Variants in RHOJ observed in about 807,000 individuals in gnomAD.
The protein encoded by RHOJ is ras homolog family member J.
A neutral mutation model predicts 23.4 loss-of-function variants in RHOJ; 11 were observed. The observed-to-expected ratio is 0.47, with a 90% CI of 0.30 to 0.78. RHOJ has a LOEUF of 0.78. RHOJ is among the 30% of genes least tolerant of loss of function. The probability of loss-of-function intolerance (pLI) is 0.08; values close to 1 mark genes in which losing one functional copy is unlikely to be tolerated. For synonymous variants in RHOJ, 102 were observed against 102.7 expected, an observed-to-expected ratio of 0.99 and a Z score of 0.04; for missense variants, 254 against 273.4, an observed-to-expected ratio of 0.93 and a Z score of 0.50.
chr14:63,278,431 AT>A (rs1268231283), intron 2 of RHOJ, among the ~76,000 whole-genome samples: 2 of 151,854 alleles, frequency 1.3e-5, no homozygotes, highest in Non-Finnish European at 2.9e-5. Flanking sequence ...CTTTTTTAAA[AT>A]TTTTTTTATT....
At chr14:63,268,200 CA>C (rs1895402059) in intron 1 of RHOJ, among the ~76,000 whole-genome samples, 1 of 152,032 alleles carries the variant, frequency 6.6e-6, no homozygotes, top group Non-Finnish European at 1.5e-5. Context: ...TTCCTTTTTC[CA>C]AAAAGCGATT....
rs1160224213 is a variant in RHOJ at position 63,257,714 on chromosome 14, AT to A, written c.179-11386del. 3.4e-3 allele frequency among the ~76,000 whole-genome samples: 479 copies of A among 139,508 alleles called. 14 individuals carry two copies. Among genetic ancestry groups the A allele is most frequent in the African/African-American group, 0.012 (435 of 37,564 alleles). 91.5% of individuals were successfully genotyped at this position (139,508 alleles called of 152,430 possible). On this transcript the variant is annotated intron_variant, in intron 1 of 4. Transcript: ENST00000316754. ...AATATGACTTTTTTCCCCTCCTCTGATTTTTTTTTTCACAAGGCTGTCATTT... is the reference window on the plus strand; with the variant it reads ...AATATGACTTTTTTCCCCTCCTCTGATTTTTTTTTCACAAGGCTGTCATTT...
At chr14:63,205,709 G>A (rs1158732364) in intron 1 of RHOJ, among the ~76,000 whole-genome samples, 1 of 152,200 alleles carries the variant, frequency 6.6e-6, no homozygotes, top group Non-Finnish European at 1.5e-5. Flanking sequence ...AGTATGTCCT[G>A]AGAGGACAAA....
At chr14:63,276,210 TG>T (rs11354682) in intron 2 of RHOJ, among the ~76,000 whole-genome samples, 50,180 of 149,434 alleles carry the variant, frequency 0.34, 11,532 homozygotes, top group African/African-American at 0.66. Flanking sequence ...TCAGCTTCGG[TG>T]GGGGGGGGCG....
At chr14:63,237,850 G>A (rs1032511932) in intron 1 of RHOJ, among the ~76,000 whole-genome samples, 3 of 152,214 alleles carry the variant, frequency 2.0e-5, no homozygotes, top group African/African-American at 7.2e-5. Flanking sequence ...ACAGCACAGT[G>A]AGACAAAGGG....
chr14:63,239,798 T>A (rs1894852309), intron 1 of RHOJ, among the ~76,000 whole-genome samples: 1 of 152,170 alleles, frequency 6.6e-6, no homozygotes, highest in South Asian at 2.1e-4. Flanking sequence ...CTTAAGATGA[T>A]TAGAGAAAGG....
Position 63,253,776 on chromosome 14 carries a change from T to C in RHOJ, c.179-15334T>C, listed in dbSNP as rs1351887404. Reference sequence around the variant, plus strand: ...TTGCAGCACAGTCTAAAAGAGAACATTTTTTGTTGACTGGTAGAGGGTCAA... The same window carrying C: ...TTGCAGCACAGTCTAAAAGAGAACACTTTTTGTTGACTGGTAGAGGGTCAA... On this transcript the variant is annotated intron_variant, in intron 1 of 4. Transcript: ENST00000316754. 2.0e-5 allele frequency among the ~76,000 whole-genome samples: 3 copies of C among 152,328 alleles called. No individual in the cohort carries two copies. The East Asian group carries it at 5.8e-4, about 29-fold the overall frequency.
intron 1 of RHOJ, among the ~76,000 whole-genome samples, chr14:63,254,657 A>C (rs901983731): frequency 1.3e-5 from 2 of 152,076 alleles, no homozygotes; most frequent in Non-Finnish European, 2.9e-5. Flanking sequence ...CGGGATACCA[A>C]TTTCCAAGGC....
intron 1 of RHOJ, among the ~76,000 whole-genome samples, chr14:63,252,616 G>A (rs1166509825): frequency 6.6e-6 from 1 of 152,268 alleles, no homozygotes; most frequent in Admixed American, 6.5e-5. Flanking sequence ...AGAAGATCTT[G>A]TTATTCCTCC....
At position 63,224,958 on chromosome 14, in the gene RHOJ, T is replaced by C. The variant is rs548144385; in HGVS notation, c.178+19911T>C. 1.7e-3 allele frequency among the ~76,000 whole-genome samples: 258 copies of C among 150,658 alleles called. 2 individuals are homozygous for C. Among genetic ancestry groups the C allele is most frequent in the African/African-American group, 5.9e-3 (243 of 41,232 alleles). On this transcript the variant is annotated intron_variant, in intron 1 of 4. Transcript: ENST00000316754. The stretch of plus-strand genomic sequence containing the variant: ...AATAAACTATCATTTATACTTTTTT[T>C]TTTTTTTTTTTTGAGATGGGGTCTC...
chr14:63,288,448 C>A, intron 4 of RHOJ: 2 of 502,446 alleles, frequency 4.0e-6, no homozygotes, highest in Non-Finnish European at 5.1e-6. Context: ...CAGACAAGTG[C>A]CACCACGTTA....
intron 1 of RHOJ, among the ~76,000 whole-genome samples, chr14:63,260,126 A>G (rs781101038): frequency 2.0e-5 from 3 of 152,190 alleles, no homozygotes; most frequent in Non-Finnish European, 4.4e-5. Flanking sequence ...TTTAGAACCT[A>G]ATTTACTATG....
chr14:63,284,247 T>A (rs1882006435), intron 4 of RHOJ: 1 of 985,138 alleles, frequency 1.0e-6, no homozygotes, highest in African/African-American at 1.7e-5. Context: ...TAGAAATGAA[T>A]TAAATACAAT....
chr14:63,281,224 G>T lies in RHOJ; in HGVS notation c.402+89G>T, dbSNP rs1425462769. On this transcript the variant is annotated intron_variant, in intron 3 of 4. Coordinates refer to ENST00000316754, the MANE Select transcript of RHOJ (RefSeq NM_020663.5). Reference sequence around the variant, plus strand: ...TCGTGAACATCCTATTCTGCCAAACGCTATGGAAGTGTGTCTCAGACATGT... The same window carrying T: ...TCGTGAACATCCTATTCTGCCAAACTCTATGGAAGTGTGTCTCAGACATGT... 11 of 1,281,480 alleles carry T rather than the reference G, an allele frequency of 8.6e-6. No homozygotes were observed. In the East Asian group the frequency reaches 2.4e-4, roughly 28 times the overall value. 79.4% of individuals were successfully genotyped at this position (1,281,480 alleles called of 1,614,324 possible). A position where few individuals can be genotyped will look rare whatever the true frequency, so the allele number is the denominator to read the frequency against.
intron 1 of RHOJ, among the ~76,000 whole-genome samples, chr14:63,256,535 C>A (rs922710042): frequency 3.9e-5 from 6 of 152,194 alleles, no homozygotes; most frequent in Non-Finnish European, 7.3e-5. Flanking sequence ...CAATCATACT[C>A]ACACGTGGCT....
At chr14:63,269,375 A>T (rs1448855281) in intron 2 of RHOJ, 1 of 448,826 alleles carries the variant, frequency 2.2e-6, no homozygotes, top group Non-Finnish European at 4.0e-6. Flanking sequence ...CATTCAAGGC[A>T]TTGATAGGTA....
intron 2 of RHOJ, among the ~76,000 whole-genome samples, chr14:63,276,169 G>T (rs1261900909): frequency 6.6e-6 from 1 of 152,042 alleles, no homozygotes; most frequent in African/African-American, 2.4e-5. Context: ...GCTTGTTACA[G>T]CACTGATGGT....
At chr14:63,224,817 C>G (rs1894559424) in intron 1 of RHOJ, among the ~76,000 whole-genome samples, 1 of 152,198 alleles carries the variant, frequency 6.6e-6, no homozygotes, top group African/African-American at 2.4e-5. Flanking sequence ...CCCACACTCC[C>G]AGTTTGGGAG....
chr14:63,265,239 T>C (rs1020424246), intron 1 of RHOJ, among the ~76,000 whole-genome samples: 1 of 152,258 alleles, frequency 6.6e-6, no homozygotes, highest in African/African-American at 2.4e-5. Flanking sequence ...CTTCTGCATA[T>C]GGCTAGCCAG....
Sources: allele counts gnomAD v4.1 joint callset (sites outside exome capture counted in the v4.1 genomes callset), GRCh38; gene constraint gnomAD v4.1.1; transcripts MANE v1.5; gene names NCBI Gene and HGNC (gene_info 2026-07-23, HGNC 2026-07-21).